LRMDA: variants seen among roughly 807,000 people sequenced by gnomAD.
The protein encoded by LRMDA is leucine-rich melanocyte differentiation-associated protein.
In LRMDA, 18 loss-of-function variants were observed where a neutral mutation model predicts 29.8. The observed-to-expected ratio is 0.60, with a 90% CI of 0.42 to 0.90. The LOEUF (loss-of-function observed/expected upper bound fraction) is 0.90. LRMDA is among the 40% of genes least tolerant of loss of function. LRMDA has a pLI of 0.00. For synonymous variants in LRMDA, 125 were observed against 109.4 expected, an observed-to-expected ratio of 1.14 and a Z score of -0.89; for missense variants, 273 against 273.9, an observed-to-expected ratio of 1.00 and a Z score of 0.02.
chr10:76,210,980 A>G (rs1851623980), intron 5 of LRMDA, among the ~76,000 whole-genome samples: 1 of 151,980 alleles, frequency 6.6e-6, no homozygotes, highest in Admixed American at 6.6e-5. Flanking sequence ...AGCCTTTTTA[A>G]CCTCTAACTC....
chr10:76,389,422 C>T (rs1841697588), intron 6 of LRMDA, among the ~76,000 whole-genome samples: 1 of 152,158 alleles, frequency 6.6e-6, no homozygotes, highest in Non-Finnish European at 1.5e-5. Context: ...TGTTTTCCTC[C>T]TAGCAATTAG....
chr10:76,295,865 TTGCTAATCTTCACTCA>T (rs1489416558), intron 5 of LRMDA, among the ~76,000 whole-genome samples: 1 of 152,184 alleles, frequency 6.6e-6, no homozygotes, highest in South Asian at 2.1e-4. Flanking sequence ...AGTCACCTCT[TTGCTAATCTTCACTCA>T]TGCTAATCTT....
chr10:76,266,499 C>T (rs1021682332), intron 5 of LRMDA, among the ~76,000 whole-genome samples: 3 of 152,084 alleles, frequency 2.0e-5, no homozygotes, highest in African/African-American at 7.2e-5. Context: ...ATATTGTGCT[C>T]TTCATCATAT....
chr10:75,752,717 G>T (rs961186054), intron 2 of LRMDA, among the ~76,000 whole-genome samples: 1 of 152,102 alleles, frequency 6.6e-6, no homozygotes, highest in African/African-American at 2.4e-5. Context: ...TGTGTCTTAG[G>T]TATGTTCTCA....
At chr10:75,815,363 A>G (rs2132275408) in intron 2 of LRMDA, among the ~76,000 whole-genome samples, 1 of 152,344 alleles carries the variant, frequency 6.6e-6, no homozygotes, top group East Asian at 1.9e-4. Context: ...GGGGCAGCAT[A>G]GAGTAATAAT....
intron 5 of LRMDA, among the ~76,000 whole-genome samples, chr10:76,090,628 G>T (rs994645105): frequency 2.0e-5 from 3 of 152,128 alleles, no homozygotes; most frequent in African/African-American, 7.2e-5. Context: ...GGAAACAAAG[G>T]AACTATTGAC....
chr10:76,521,725 C>A (rs73276710), intron 6 of LRMDA, among the ~76,000 whole-genome samples: 7,477 of 152,198 alleles, frequency 0.049, 239 homozygotes, highest in African/African-American at 0.075. Context: ...ACTTGATTCC[C>A]TCAGATATAA....
chr10:75,544,609 C>T (rs1840055415), intron 2 of LRMDA, among the ~76,000 whole-genome samples: 1 of 152,140 alleles, frequency 6.6e-6, no homozygotes, highest in South Asian at 2.1e-4. Context: ...TGACCTTAAG[C>T]ACTGGGGCAA....
intron 5 of LRMDA, among the ~76,000 whole-genome samples, chr10:76,254,759 T>C (rs2132301542): frequency 6.6e-6 from 1 of 152,294 alleles, no homozygotes; most frequent in African/African-American, 2.4e-5. Context: ...TTCAGCAAGG[T>C]GTTCTCTTCC....
intron 2 of LRMDA, among the ~76,000 whole-genome samples, chr10:76,014,183 G>A (rs985007289): frequency 2.9e-5 from 3 of 103,880 alleles, no homozygotes; most frequent in Admixed American, 1.0e-4. Context: ...TGGTAACATT[G>A]TTATGCCTAT....
chr10:76,356,702 T>C (rs1370836704), intron 6 of LRMDA, among the ~76,000 whole-genome samples: 1 of 152,202 alleles, frequency 6.6e-6, no homozygotes, highest in African/African-American at 2.4e-5. Context: ...GCATTCCTCT[T>C]CATCATCTGT....
At chr10:75,972,708 T>C (rs190393033) in intron 2 of LRMDA, among the ~76,000 whole-genome samples, 34 of 152,230 alleles carry the variant, frequency 2.2e-4, no homozygotes, top group Admixed American at 9.8e-4. Context: ...GATGTCCAAA[T>C]ACATGAGAGA....
At chr10:75,894,352 G>C (rs186989475) in intron 2 of LRMDA, among the ~76,000 whole-genome samples, 1 of 152,162 alleles carries the variant, frequency 6.6e-6, no homozygotes, top group Non-Finnish European at 1.5e-5. Flanking sequence ...TGCAAATGCC[G>C]TTAATTCCTT....
At chr10:76,517,169 A>G (rs1442627212) in intron 6 of LRMDA, among the ~76,000 whole-genome samples, 2 of 152,174 alleles carry the variant, frequency 1.3e-5, no homozygotes, top group African/African-American at 4.8e-5. Context: ...AATAGGAAAA[A>G]GATAGGAGAG....
chr10:75,699,860 C>G (rs984952570), intron 2 of LRMDA, among the ~76,000 whole-genome samples: 1 of 152,146 alleles, frequency 6.6e-6, no homozygotes, highest in Non-Finnish European at 1.5e-5. Context: ...CAGGGTCCTC[C>G]TAATGGTGAG....
chr10:76,545,362 A>C (rs906654677), intron 6 of LRMDA, among the ~76,000 whole-genome samples: 2 of 151,848 alleles, frequency 1.3e-5, no homozygotes, highest in Non-Finnish European at 2.9e-5. Context: ...TTTCTGCTTG[A>C]GAGCAAAGCC....
intron 2 of LRMDA, among the ~76,000 whole-genome samples, chr10:75,881,325 G>A (rs1845289462): frequency 6.6e-6 from 1 of 152,136 alleles, no homozygotes; most frequent in South Asian, 2.1e-4. Flanking sequence ...ATAAACAGAT[G>A]TAAAGTCACA....
chr10:76,509,943 A>G (rs11001803), intron 6 of LRMDA, among the ~76,000 whole-genome samples: 38,450 of 152,170 alleles, frequency 0.25, 5,699 homozygotes, highest in Non-Finnish European at 0.34. Flanking sequence ...GGACAGCTCA[A>G]AGCTGAGGTT....
chr10:75,720,590 T>C (rs531682604), intron 2 of LRMDA, among the ~76,000 whole-genome samples: 3 of 152,348 alleles, frequency 2.0e-5, no homozygotes, highest in Admixed American at 2.0e-4. Flanking sequence ...TTGTGTCGAC[T>C]TCTGAATTCA....
Sources: allele counts gnomAD v4.1 joint callset (sites outside exome capture counted in the v4.1 genomes callset), GRCh38; gene constraint gnomAD v4.1.1; transcripts MANE v1.5; gene names NCBI Gene and HGNC (gene_info 2026-07-23, HGNC 2026-07-21).